The following LRRIQ3 variants were observed in gnomAD, a reference collection of about 807,000 sequenced individuals.
LRRIQ3 encodes leucine-rich repeat and IQ domain-containing protein 3.
LRRIQ3 carries 75 observed loss-of-function variants against 59.3 expected under a neutral mutation model. The ratio of observed to expected loss-of-function variants is 1.26; its 90% CI spans 1.05 to 1.53. LRRIQ3 has a LOEUF of 1.53. LRRIQ3 is among the 40% of genes most tolerant of loss of function. The pLI is 0.00. For missense variants in LRRIQ3, 831 were observed against 710.0 expected, an observed-to-expected ratio of 1.17 and a Z score of -1.94; for synonymous variants, 250 against 231.3, an observed-to-expected ratio of 1.08 and a Z score of -0.73.
chr1:74,178,718 T>C (rs1304668591), intron 3 of LRRIQ3, among the ~76,000 whole-genome samples: 3 of 152,182 alleles, frequency 2.0e-5, no homozygotes, highest in Admixed American at 6.6e-5. Flanking sequence ...AAAATACTCA[T>C]CAAACCAGAT....
chr1:74,152,575 A>G (rs1238469902), intron 4 of LRRIQ3, among the ~76,000 whole-genome samples: 3 of 152,196 alleles, frequency 2.0e-5, no homozygotes, highest in Non-Finnish European at 4.4e-5. Context: ...ATGTTGAATG[A>G]AAGCAGTGAA....
intron 5 of LRRIQ3, among the ~76,000 whole-genome samples, chr1:74,092,254 A>T (rs577164903): frequency 6.6e-6 from 1 of 152,242 alleles, no homozygotes; most frequent in South Asian, 2.1e-4. Flanking sequence ...AAATAGTTCC[A>T]TAATATCAGT....
chr1:74,161,887 A>G (rs1419593151), intron 3 of LRRIQ3, among the ~76,000 whole-genome samples: 1 of 151,866 alleles, frequency 6.6e-6, no homozygotes, highest in Non-Finnish European at 1.5e-5. Context: ...AAATGCCATA[A>G]ACCATTTGAT....
rs138047839 is a variant in LRRIQ3, at chr1:74,091,331, T to C, written c.868-16541A>G. 2.7e-3 allele frequency among the ~76,000 whole-genome samples: 418 copies of C among 152,196 alleles called. 1 individual carries two copies. The highest frequency in any genetic ancestry group is 9.5e-3 in the African/African-American group (394 of 41,548). On this transcript the variant is annotated intron_variant, in intron 5 of 7. Coordinates refer to ENST00000354431, the MANE Select transcript of LRRIQ3 (RefSeq NM_001105659.2). Reference sequence around the variant, plus strand: ...AATGGAAACACTATCTGGAGGAAAGTACCTTCATTCTAAGGCCTAAAATTT... The same window carrying C: ...AATGGAAACACTATCTGGAGGAAAGCACCTTCATTCTAAGGCCTAAAATTT...
chr1:74,057,460 G>T (rs936748500), intron 6 of LRRIQ3, among the ~76,000 whole-genome samples: 5 of 152,074 alleles, frequency 3.3e-5, no homozygotes, highest in Non-Finnish European at 5.9e-5. Flanking sequence ...ACAGCCAACT[G>T]ATTTTAGACA....
intron 4 of LRRIQ3, among the ~76,000 whole-genome samples, chr1:74,148,535 ATGT>A (rs1213601315): frequency 8.5e-5 from 13 of 152,152 alleles, no homozygotes; most frequent in Admixed American, 5.9e-4. Context: ...GGCCTCAAGG[ATGT>A]TGTAATTATA....
rs147411225 is a variant in LRRIQ3, at chr1:74,197,104, T to C, written c.-1+892A>G. Among the ~76,000 whole-genome samples the C allele has an allele frequency of 5.9e-5, 9 of 152,336 alleles. No individual in the cohort carries two copies. In the East Asian group the frequency reaches 1.7e-3, roughly 29 times the overall value. ...ATACTGTTTTTTTAATTAATGAAGT[T>C]TTAAATGTAAAACTATGAAAGAGTA... On this transcript the variant is annotated intron_variant, in intron 1 of 7. Coordinates refer to ENST00000354431, the MANE Select transcript of LRRIQ3 (RefSeq NM_001105659.2).
At chr1:74,102,173 A>C (rs1646545971) in intron 5 of LRRIQ3, among the ~76,000 whole-genome samples, 1 of 152,026 alleles carries the variant, frequency 6.6e-6, no homozygotes, top group African/African-American at 2.4e-5. Context: ...CAAGAGGGAA[A>C]ATAATATTTA....
intron 3 of LRRIQ3, among the ~76,000 whole-genome samples, chr1:74,176,856 T>A (rs1194671344): frequency 6.6e-6 from 1 of 152,066 alleles, no homozygotes; most frequent in African/African-American, 2.4e-5. Flanking sequence ...AGAAATGAAA[T>A]CCCTGGTTCC....
chr1:74,070,848 T>A (rs1655005170), intron 6 of LRRIQ3, among the ~76,000 whole-genome samples: 1 of 151,736 alleles, frequency 6.6e-6, no homozygotes, highest in African/African-American at 2.4e-5. Context: ...AAGACTGTGA[T>A]GTAATCTAAT....
At chr1:74,161,806 A>G (rs920890305) in intron 3 of LRRIQ3, among the ~76,000 whole-genome samples, 4 of 151,910 alleles carry the variant, frequency 2.6e-5, no homozygotes, top group African/African-American at 9.7e-5. Flanking sequence ...ACTCCAGACA[A>G]TACTTAAGCT....
chr1:74,037,115 C>T (rs904771875), intron 7 of LRRIQ3, among the ~76,000 whole-genome samples: 5 of 152,122 alleles, frequency 3.3e-5, no homozygotes, highest in East Asian at 1.9e-4. Context: ...TTGAGGTTCT[C>T]GCCTATTTTC....
intron 3 of LRRIQ3, among the ~76,000 whole-genome samples, chr1:74,170,834 T>G (rs1017389557): frequency 1.3e-5 from 2 of 152,166 alleles, no homozygotes; most frequent in South Asian, 4.1e-4. Flanking sequence ...TATTTATGTC[T>G]ACTTTAGTTT....
intron 6 of LRRIQ3, among the ~76,000 whole-genome samples, chr1:74,044,693 C>T (rs927391576): frequency 4.0e-5 from 6 of 151,740 alleles, no homozygotes; most frequent in East Asian, 1.9e-4. Context: ...TTTTTGAAAA[C>T]ATCAACAAAA....
intron 4 of LRRIQ3, among the ~76,000 whole-genome samples, chr1:74,148,398 G>C (rs948065673): frequency 3.3e-5 from 5 of 152,178 alleles, no homozygotes; most frequent in African/African-American, 1.2e-4. Context: ...GCTGGTGACA[G>C]AGACACCAGT....
chr1:74,103,933 T>C (rs1451300166), intron 5 of LRRIQ3, among the ~76,000 whole-genome samples: 2 of 151,966 alleles, frequency 1.3e-5, no homozygotes, highest in African/African-American at 2.4e-5. Flanking sequence ...CAAAGCCAGC[T>C]ACATAGACTG....
chr1:74,031,227 A>G (rs1326941605), intron 7 of LRRIQ3, among the ~76,000 whole-genome samples: 3 of 152,198 alleles, frequency 2.0e-5, no homozygotes, highest in East Asian at 1.9e-4. Flanking sequence ...ATCTAGAACT[A>G]GAAATACCAT....
chr1:74,064,121 T>C (rs192492208), intron 6 of LRRIQ3, among the ~76,000 whole-genome samples: 23 of 151,940 alleles, frequency 1.5e-4, no homozygotes, highest in Admixed American at 5.3e-4. Context: ...ATATATAATG[T>C]ATAATGTCTA....
At chr1:74,042,541 CT>C (rs1348568330) in intron 6 of LRRIQ3, among the ~76,000 whole-genome samples, 3 of 151,940 alleles carry the variant, frequency 2.0e-5, no homozygotes, top group Non-Finnish European at 1.5e-5. Context: ...GTAAGTTAGG[CT>C]TTCAGTTTGT....
Sources: allele counts gnomAD v4.1 joint callset (sites outside exome capture counted in the v4.1 genomes callset), GRCh38; gene constraint gnomAD v4.1.1; transcripts MANE v1.5; gene names NCBI Gene and HGNC (gene_info 2026-07-23, HGNC 2026-07-21).